SLC2A12: variants seen among roughly 807,000 people sequenced by gnomAD.
SLC2A12 encodes the protein solute carrier family 2 member 12.
Under a neutral mutation model 41.8 loss-of-function variants are expected in SLC2A12, and 23 were observed. The observed-to-expected ratio is 0.55, with a 90% CI of 0.40 to 0.78. The LOEUF is 0.78. Among genes scored for constraint, SLC2A12 ranks in the 30% least tolerant of loss-of-function variants. The probability of loss-of-function intolerance (pLI) is 0.00; values close to 1 mark genes in which losing one functional copy is unlikely to be tolerated. For synonymous variants in SLC2A12, 295 were observed against 285.9 expected, an observed-to-expected ratio of 1.03 and a Z score of -0.32; for missense variants, 654 against 745.6, an observed-to-expected ratio of 0.88 and a Z score of 1.43.
intron 1 of SLC2A12, among the ~76,000 whole-genome samples, chr6:134,032,468 T>A (rs182848263): frequency 0.057 from 1,945 of 34,040 alleles, 81 homozygotes; most frequent in African/African-American, 0.14. Flanking sequence ...ATATATATTT[T>A]TATATATATA....
chr6:134,024,547 C>T (rs2063430124), intron 2 of SLC2A12, among the ~76,000 whole-genome samples: 1 of 152,180 alleles, frequency 6.6e-6, no homozygotes, highest in Non-Finnish European at 1.5e-5. Flanking sequence ...GTCCTAATTC[C>T]CTGCTGCAAT....
chr6:134,041,256 G>C (rs1777377499), intron 1 of SLC2A12, among the ~76,000 whole-genome samples: 1 of 152,146 alleles, frequency 6.6e-6, no homozygotes, highest in African/African-American at 2.4e-5. Context: ...AAAATGCAGT[G>C]AGTCACTGTC....
intron 2 of SLC2A12, among the ~76,000 whole-genome samples, chr6:134,018,173 T>C (rs1776989494): frequency 6.6e-6 from 1 of 152,218 alleles, no homozygotes; most frequent in Non-Finnish European, 1.5e-5. Context: ...AAGTCAGTGC[T>C]GGCATTATCA....
At chr6:134,050,744 T>C (rs888760928) in intron 1 of SLC2A12, among the ~76,000 whole-genome samples, 1 of 152,122 alleles carries the variant, frequency 6.6e-6, no homozygotes, top group African/African-American at 2.4e-5. Context: ...CTGCAGCTCA[T>C]GTTCCCAGGA....
chr6:134,023,724 T>A (rs1222179932), intron 2 of SLC2A12, among the ~76,000 whole-genome samples: 2 of 152,190 alleles, frequency 1.3e-5, no homozygotes, highest in African/African-American at 4.8e-5. Context: ...TTATTTTAGA[T>A]GGAATGGAAG....
intron 1 of SLC2A12, among the ~76,000 whole-genome samples, chr6:134,044,833 C>A (rs540711135): frequency 6.6e-6 from 1 of 151,502 alleles, no homozygotes; most frequent in Non-Finnish European, 1.5e-5. Context: ...AAGTAAAATG[C>A]TCTTTAGTTC....
intron 1 of SLC2A12, among the ~76,000 whole-genome samples, chr6:134,034,840 T>C (rs1777270788): frequency 6.6e-6 from 1 of 152,196 alleles, no homozygotes; most frequent in Non-Finnish European, 1.5e-5. Context: ...CAAGTCAGTC[T>C]GCCTTTAATA....
At chr6:134,004,223 GGT>G (rs1445535254) in intron 3 of SLC2A12, among the ~76,000 whole-genome samples, 1 of 151,968 alleles carries the variant, frequency 6.6e-6, no homozygotes, top group African/African-American at 2.4e-5. Flanking sequence ...GCAGATGGAG[GGT>G]GTGTGTGTGT....
In SLC2A12 at chr6:134,028,611, C is replaced by G; in HGVS notation, c.1214G>C (p.Arg405Thr). 2 of 1,614,170 alleles carry G rather than the reference C, an allele frequency of 1.2e-6. No individual in the cohort carries two copies. The highest frequency in any genetic ancestry group is 1.7e-6 in the Non-Finnish European group (2 of 1,180,024). Reference sequence around the variant, plus strand: ...GGAAGAAATCCCTTTGAAGTGGTCTCTGAGAGTATTGTTGTTGGTTGACAG... The same window carrying G: ...GGAAGAAATCCCTTTGAAGTGGTCTGTGAGAGTATTGTTGTTGGTTGACAG... ...GNLSTNNNTL[R>T]DHFKGISSHS... Residue 405 changes from arginine to threonine, a missense_variant, in exon 2 of 5, where the codon AGA becomes ACA. By Grantham distance (71) the Arg-to-Thr change is moderately conservative. Coordinates refer to ENST00000275230, the MANE Select transcript of SLC2A12 (RefSeq NM_145176.3).
At chr6:133,991,451 C>G in intron 4 of SLC2A12, 143 bp from the exon 5 acceptor site, 1 of 930,784 alleles carries the variant, frequency 1.1e-6, no homozygotes, top group Non-Finnish European at 1.6e-6. Flanking sequence ...AGGAATCCTG[C>G]TGCATCATGA....
At chr6:134,009,641 C>T (rs1229811163) in intron 2 of SLC2A12, among the ~76,000 whole-genome samples, 1 of 149,046 alleles carries the variant, frequency 6.7e-6, no homozygotes, top group Non-Finnish European at 1.5e-5. Context: ...CACAACATAG[C>T]GAAATCTTGT....
chr6:134,034,193 C>T (rs1378578544), intron 1 of SLC2A12, among the ~76,000 whole-genome samples: 2 of 152,110 alleles, frequency 1.3e-5, no homozygotes, highest in African/African-American at 4.8e-5. Flanking sequence ...GGCAATTTGC[C>T]TTTAAGAGGT....
intron 3 of SLC2A12, among the ~76,000 whole-genome samples, chr6:134,006,392 G>A (rs986641451): frequency 1.3e-5 from 2 of 152,106 alleles, no homozygotes; most frequent in Non-Finnish European, 2.9e-5. Flanking sequence ...TCAGTGACTT[G>A]TAAGTTATGT....
chr6:134,026,425 G>A (rs930103838), intron 2 of SLC2A12, among the ~76,000 whole-genome samples: 2 of 152,034 alleles, frequency 1.3e-5, no homozygotes, highest in Non-Finnish European at 2.9e-5. Context: ...CTTCTGCTTT[G>A]AAGAGTTTCT....
At chr6:134,007,696 C>T (rs2114434808) in intron 2 of SLC2A12, among the ~76,000 whole-genome samples, 1 of 152,300 alleles carries the variant, frequency 6.6e-6, no homozygotes, top group South Asian at 2.1e-4. Context: ...TGCTCACAGC[C>T]TATCAAGCCC....
At position 134,029,666 on chromosome 6, in the gene SLC2A12, C is replaced by T. The variant is rs530516362; in HGVS notation, c.159G>A (p.Leu53=). 22 of 1,611,702 alleles carry T rather than the reference C, an allele frequency of 1.4e-5. No homozygotes were observed. In the South Asian group the frequency reaches 2.3e-4, roughly 17 times the overall value. The part of the protein sequence containing the change: ...SSVTAAVSGL[L]VGYELGIISG... ...AGATGATCCCAAGTTCATAACCCACCAGGAGGCCACTGACAGCAGCAGTGA... is the reference window on the plus strand; with the variant it reads ...AGATGATCCCAAGTTCATAACCCACTAGGAGGCCACTGACAGCAGCAGTGA... Residue 53 remains leucine, a synonymous_variant, in exon 2 of 5, where the codon CTG becomes CTA. Coordinates refer to ENST00000275230, the MANE Select transcript of SLC2A12 (RefSeq NM_145176.3).
intron 1 of SLC2A12, among the ~76,000 whole-genome samples, chr6:134,050,412 A>T (rs532785850): frequency 0.012 from 1,857 of 152,328 alleles, 16 homozygotes; most frequent in Middle Eastern, 0.061. Flanking sequence ...TTTGAAAGAT[A>T]ATTTATGGTA....
In SLC2A12 at chr6:134,029,314, T is replaced by A. The variant is rs371782582; in HGVS notation, c.511A>T (p.Asn171Tyr). ...QHRRGLLVSL[N>Y]ELMIVIGILS... The stretch of plus-strand genomic sequence containing the variant: ...ATGCCGATGACAATCATCAGCTCAT[T>A]CAGTGACACAAGAAGGCCTCTTCTG... Residue 171 changes from asparagine to tyrosine, a missense_variant, in exon 2 of 5, where the codon AAT (asparagine) becomes TAT (tyrosine). By Grantham distance (143) the Asn-to-Tyr change is moderately radical. Transcript: ENST00000275230. 9.4e-5 allele frequency: 152 copies of A among 1,614,100 alleles called. No individual in the cohort carries two copies. Among genetic ancestry groups the A allele is most frequent in the Non-Finnish European group, 1.3e-4 (149 of 1,180,054 alleles).
intron 4 of SLC2A12, among the ~76,000 whole-genome samples, chr6:133,997,538 C>T (rs988276701): frequency 2.0e-5 from 3 of 152,098 alleles, no homozygotes; most frequent in Non-Finnish European, 4.4e-5. Flanking sequence ...CTTAAGTGAA[C>T]TAATGTAGAA....
Sources: allele counts gnomAD v4.1 joint callset (sites outside exome capture counted in the v4.1 genomes callset), GRCh38; gene constraint gnomAD v4.1.1; transcripts MANE v1.5; gene names NCBI Gene and HGNC (gene_info 2026-07-23, HGNC 2026-07-21).